The following DCAF4 variants were observed in gnomAD, a reference collection of about 807,000 sequenced individuals.
The protein encoded by DCAF4 is DDB1- and CUL4-associated factor 4.
A neutral mutation model predicts 60.9 loss-of-function variants in DCAF4; 37 were observed. That is an observed-to-expected ratio of 0.61 (90% CI 0.47 to 0.80). The LOEUF is 0.80. Among genes scored for constraint, DCAF4 ranks in the 30% least tolerant of loss-of-function variants. DCAF4 has a pLI of 0.00. For missense variants in DCAF4, 577 were observed against 650.0 expected (o/e 0.89, Z 1.22); for synonymous variants, 243 against 254.8 (o/e 0.95, Z 0.44).
At chr14:72,948,186 TGG>T (rs1472289161) in intron 8 of DCAF4, among the ~76,000 whole-genome samples, 2 of 152,088 alleles carry the variant, frequency 1.3e-5, no homozygotes, top group African/African-American at 4.8e-5. Flanking sequence ...GGAGTTTTTT[TGG>T]ATTTTAATTT....
downstream of DCAF4, among the ~76,000 whole-genome samples, chr14:72,960,202 G>A (rs192169595): frequency 2.0e-5 from 3 of 151,324 alleles, no homozygotes; most frequent in Non-Finnish European, 2.9e-5. Flanking sequence ...TGTTGCCCAG[G>A]CTGGAGTGCA....
chr14:72,927,573 G>A (rs1017854778), intron 1 of DCAF4, among the ~76,000 whole-genome samples: 9 of 151,860 alleles, frequency 5.9e-5, no homozygotes, highest in Middle Eastern at 3.4e-3. Context: ...GGATGGTCTC[G>A]ATCTCCTGAC....
At chr14:72,960,524 C>G, downstream of DCAF4, 1 of 755,414 alleles carries the variant, frequency 1.3e-6, no homozygotes, top group Non-Finnish European at 1.7e-6. Flanking sequence ...CACCAGCAAA[C>G]CCCAGGGCAG....
intron 4 of DCAF4, among the ~76,000 whole-genome samples, chr14:72,941,110 C>T (rs760365835): frequency 2.0e-5 from 3 of 152,000 alleles, no homozygotes; most frequent in Non-Finnish European, 4.4e-5. Context: ...ATTACAGGAA[C>T]CTGCCACCAT....
At chr14:72,930,529 A>T (rs61988544) in intron 1 of DCAF4, among the ~76,000 whole-genome samples, 1 of 152,208 alleles carries the variant, frequency 6.6e-6, no homozygotes, top group Non-Finnish European at 1.5e-5. Flanking sequence ...CCAGCCTCCC[A>T]AAGTGCTGGG....
Position 72,953,720 on chromosome 14 carries a change from AAAAAAAAAAAAAATAT to A in DCAF4, c.809-442_809-427del, listed in dbSNP as rs1161585758. Reference sequence around the variant, plus strand: ...ACAAGACCCTGTCTTAAAAAAAAAAAAAAAAAAAAAAAATATATATATATATATATATATATATATA... The same window carrying A: ...ACAAGACCCTGTCTTAAAAAAAAAAAATATATATATATATATATATATATA... On this transcript the variant is annotated intron_variant, in intron 9 of 13. Coordinates refer to ENST00000358377, the MANE Select transcript of DCAF4 (RefSeq NM_015604.4). Among the ~76,000 whole-genome samples the A allele has an allele frequency of 7.6e-3, 381 of 50,436 alleles. 23 individuals carry two copies. The highest frequency in any genetic ancestry group is 0.032 in the African/African-American group (350 of 10,852). The allele number at this position is 50,436 out of a possible 152,430, so 33.1% of individuals were successfully genotyped here.
intron 12 of DCAF4, 89 bp downstream of exon 12, chr14:72,955,785 C>CCAAG: frequency 7.9e-7 from 1 of 1,259,248 alleles, no homozygotes; most frequent in Non-Finnish European, 1.1e-6. Context: ...GGTCCTCACA[C>CCAAG]CAAGACCCCA....
intron 1 of DCAF4, among the ~76,000 whole-genome samples, chr14:72,933,451 C>T (rs1403538015): frequency 1.3e-5 from 2 of 151,374 alleles, no homozygotes; most frequent in East Asian, 2.0e-4. Context: ...CCCAGCTATT[C>T]GGGAGGCTGA....
chr14:72,958,849 G>A lies in DCAF4; in HGVS notation c.*44G>A, dbSNP rs1352723901. The A allele has an allele frequency of 5.9e-6, 9 of 1,513,350 alleles. No homozygotes were observed. Among genetic ancestry groups the A allele is most frequent in the African/African-American group, 1.4e-5 (1 of 71,526 alleles). 93.7% of individuals were successfully genotyped at this position (1,513,350 alleles called of 1,614,324 possible). ...AGAGCCATGTGGATTTGACTTACGG[G>A]AGTAAAGCGTAACTTTTTACTGCAT... On this transcript the variant is annotated 3_prime_UTR_variant, in exon 14 of 14. Coordinates refer to ENST00000358377, the MANE Select transcript of DCAF4 (RefSeq NM_015604.4).
intron 6 of DCAF4, among the ~76,000 whole-genome samples, chr14:72,944,755 A>G (rs1890504887): frequency 6.6e-6 from 1 of 151,900 alleles, no homozygotes; most frequent in African/African-American, 2.4e-5. Flanking sequence ...TTGTGCCACC[A>G]CACTCCAGCC....
rs1313904486 is a variant in DCAF4 at position 72,959,661 on chromosome 14, G to A, written c.*856G>A. 1 of 985,196 alleles carries A rather than the reference G, an allele frequency of 1.0e-6. No individual in the cohort carries two copies. The highest frequency in any genetic ancestry group is 1.2e-6 in the Non-Finnish European group (1 of 829,814). 61.0% of individuals were successfully genotyped at this position (985,196 alleles called of 1,614,324 possible). On this transcript the variant is annotated 3_prime_UTR_variant, in exon 14 of 14. Transcript: ENST00000358377. ...CAAGAGAAGAATCATGGTGTGACAT[G>A]CACTTCTGTGAATGACTTAGGAGAT...
At chr14:72,940,884 C>A (rs1889959650) in intron 4 of DCAF4, among the ~76,000 whole-genome samples, 1 of 152,106 alleles carries the variant, frequency 6.6e-6, no homozygotes, top group African/African-American at 2.4e-5. Context: ...AGCCACCACA[C>A]CCAGCCTTCT....
At chr14:72,955,415 C>A in intron 11 of DCAF4, 108 bp from the exon 12 acceptor site, 1 of 1,332,838 alleles carries the variant, frequency 7.5e-7, no homozygotes, top group Non-Finnish European at 1.0e-6. Flanking sequence ...TCTAATCACA[C>A]CGTCTGACCC....
chr14:72,930,207 A>T (rs1204794284), intron 1 of DCAF4, among the ~76,000 whole-genome samples: 1 of 151,242 alleles, frequency 6.6e-6, no homozygotes, highest in African/African-American at 2.4e-5. Context: ...GATGTTGGGT[A>T]TCTTTTCATG....
chr14:72,933,420 A>G (rs1469495948), intron 1 of DCAF4, among the ~76,000 whole-genome samples: 4 of 152,150 alleles, frequency 2.6e-5, no homozygotes, highest in African/African-American at 9.7e-5. Flanking sequence ...TGAGCCAGGC[A>G]TGGTGGCATG....
rs143960756 is a variant in DCAF4 at position 72,956,501 on chromosome 14, G to T, written c.1294+1G>T. The T allele has an allele frequency of 6.2e-7, 1 of 1,609,230 alleles. No individual in the cohort carries two copies. The highest frequency in any genetic ancestry group is 8.5e-7 in the Non-Finnish European group (1 of 1,177,750). On this transcript the variant is annotated splice_donor_variant, in intron 13 of 13. Coordinates refer to ENST00000358377, the MANE Select transcript of DCAF4 (RefSeq NM_015604.4). LOFTEE classifies it high-confidence loss of function. ...GAGGAAGAAGGAATCCTGGTGGCAG[G>T]TACTTGAGGAAGGAAGGGGAAGTTC...
chr14:72,954,617 G>C, intron 11 of DCAF4, 134 bp downstream of exon 11: 1 of 857,360 alleles, frequency 1.2e-6, no homozygotes, highest in Non-Finnish European at 1.8e-6. Context: ...AGGATCAGTG[G>C]GTTCCTTTGT....
At chr14:72,930,049 T>G in intron 1 of DCAF4, 1 of 555,114 alleles carries the variant, frequency 1.8e-6, no homozygotes, top group Non-Finnish European at 3.2e-6. Context: ...GAGGACGGCT[T>G]GAGCCGGGGA....
At chr14:72,954,092 T>G (rs1319630005) in intron 9 of DCAF4, 72 bp from the exon 10 acceptor site, 4 of 1,533,646 alleles carry the variant, frequency 2.6e-6, no homozygotes, top group Non-Finnish European at 2.7e-6. Context: ...TATTTGGATG[T>G]TTTCCGAACC....
Sources: gnomAD v4.1 joint callset for allele counts (sites outside exome capture counted in the v4.1 genomes callset) on GRCh38, gnomAD v4.1.1 for gene constraint, MANE v1.5 for transcripts, NCBI Gene and HGNC (gene_info 2026-07-23, HGNC 2026-07-21) for gene names.